Variants in MPPED2 observed in about 807,000 individuals in gnomAD.
MPPED2 encodes metallophosphoesterase domain containing 2, also known as metallophosphoesterase MPPED2.
A neutral mutation model predicts 33.0 loss-of-function variants in MPPED2; 5 were observed. The ratio of observed to expected loss-of-function variants is 0.15; its 90% CI spans 0.08 to 0.32. MPPED2 has a LOEUF of 0.32. Among genes scored for constraint, MPPED2 ranks in the 10% least tolerant of loss-of-function variants. The pLI, the probability that MPPED2 is intolerant of heterozygous loss-of-function variation, is 1.00. For missense variants in MPPED2, 275 were observed against 372.1 expected (o/e 0.74, Z 2.15); for synonymous variants, 136 against 141.9 (o/e 0.96, Z 0.29).
rs530938195 is a variant in MPPED2, at chr11:30,530,278, T to C, written c.310+5716A>G. ...GCACTATACATACATAATTTTAAAG[T>C]TTGGCCAAAAGCGGAGGCAGGAAAA... On this transcript the variant is annotated intron_variant, in intron 3 of 6. Transcript: ENST00000358117. Among the ~76,000 whole-genome samples the C allele has an allele frequency of 2.6e-5, 4 of 152,216 alleles. No homozygotes were observed. In the South Asian group the frequency reaches 8.3e-4, roughly 32 times the overall value.
chr11:30,424,041 C>T (rs777916673), intron 4 of MPPED2, among the ~76,000 whole-genome samples: 9 of 152,178 alleles, frequency 5.9e-5, no homozygotes, highest in South Asian at 2.1e-4. Context: ...TTCGCTCACT[C>T]GCTCACTTGC....
At chr11:30,448,485 T>C (rs1346697788) in intron 4 of MPPED2, among the ~76,000 whole-genome samples, 1 of 152,052 alleles carries the variant, frequency 6.6e-6, no homozygotes, top group Non-Finnish European at 1.5e-5. Flanking sequence ...ATTATCCTGC[T>C]ACACACTAAA....
intron 4 of MPPED2, among the ~76,000 whole-genome samples, chr11:30,484,286 C>T (rs924405587): frequency 2.0e-5 from 3 of 152,114 alleles, no homozygotes; most frequent in African/African-American, 7.2e-5. Context: ...TTCTAGTATG[C>T]CCTTCTATAC....
chr11:30,395,238 T>C (rs1391661624), intron 6 of MPPED2, among the ~76,000 whole-genome samples: 1 of 152,198 alleles, frequency 6.6e-6, no homozygotes, highest in Admixed American at 6.5e-5. Flanking sequence ...TACTATGTGA[T>C]AGCTAATGGA....
chr11:30,497,700 C>CCTTTCTTTCTTTCTTTCTTTCTTTCTTT (rs140393689), intron 3 of MPPED2, among the ~76,000 whole-genome samples: 81 of 151,802 alleles, frequency 5.3e-4, no homozygotes, highest in African/African-American at 1.9e-3. Flanking sequence ...CTGGGTTTTT[C>CCTTTCTTTCTTTCTTTCTTTCTTTCTTT]CTTTCTTTCT....
At chr11:30,523,079 G>A (rs1304000785) in intron 3 of MPPED2, among the ~76,000 whole-genome samples, 1 of 152,128 alleles carries the variant, frequency 6.6e-6, no homozygotes, top group Non-Finnish European at 1.5e-5. Context: ...AGTGACCACA[G>A]GGGTCAGGCA....
rs61383437 is a variant in MPPED2 at position 30,401,860 on chromosome 11, A to AT, written c.766+12367dup. Among the ~76,000 whole-genome samples, 479 of 85,942 alleles carry AT rather than the reference A, an allele frequency of 5.6e-3. 4 individuals carry two copies. The highest frequency in any genetic ancestry group is 9.4e-3 in the African/African-American group (336 of 35,772). The allele number at this position is 85,942 out of a possible 152,430, so 56.4% of individuals were successfully genotyped here. A position where few individuals can be genotyped will look rare whatever the true frequency, so the allele number is the denominator to read the frequency against. On this transcript the variant is annotated intron_variant, in intron 6 of 6. Coordinates refer to the MPPED2 transcript ENST00000448418. ...CTACCATGGCCAGCTAATTTTTTGT[A>AT]TTTTTTTTTTTTTCTTTTAGTAGAG...
intron 4 of MPPED2, among the ~76,000 whole-genome samples, chr11:30,490,492 G>A (rs1951928227): frequency 2.0e-5 from 3 of 152,104 alleles, no homozygotes; most frequent in Non-Finnish European, 4.4e-5. Flanking sequence ...TGAGGTAAGG[G>A]TGCCCCTAAA....
At position 30,468,530 on chromosome 11, in the gene MPPED2, C is replaced by T. The variant is rs537809768; in HGVS notation, c.536+26766G>A. On this transcript the variant is annotated intron_variant, in intron 4 of 6. Coordinates refer to ENST00000358117, the MANE Select transcript of MPPED2 (RefSeq NM_001584.3). ...GCATTAAGGGAGAGTGAAAGAGAGG[C>T]CAAGGGGAAAAAGAGGGTAAAAGGA... Among the ~76,000 whole-genome samples, 4 of 150,810 alleles carry T rather than the reference C, an allele frequency of 2.7e-5. No individual in the cohort carries two copies. In the East Asian group the frequency reaches 7.8e-4, roughly 29 times the overall value.
At chr11:30,533,449 A>G (rs2134463564) in intron 3 of MPPED2, among the ~76,000 whole-genome samples, 1 of 152,224 alleles carries the variant, frequency 6.6e-6, no homozygotes, top group South Asian at 2.1e-4. Context: ...TGTGAGACCC[A>G]TGCCCCACTG....
At chr11:30,511,399 C>A (rs1953182705) in intron 3 of MPPED2, among the ~76,000 whole-genome samples, 1 of 152,146 alleles carries the variant, frequency 6.6e-6, no homozygotes, top group African/African-American at 2.4e-5. Context: ...CAGATTATAA[C>A]TGCAAGGAAG....
chr11:30,393,202 C>T lies in MPPED2; in HGVS notation c.767-4246G>A, dbSNP rs1254270586. Among the ~76,000 whole-genome samples, 14 of 152,242 alleles carry T rather than the reference C, an allele frequency of 9.2e-5. No homozygotes were observed. The East Asian group carries it at 2.7e-3, about 30-fold the overall frequency. On this transcript the variant is annotated intron_variant, in intron 6 of 6. Transcript: ENST00000448418. Reference sequence around the variant, plus strand: ...GGTACTCAGGACATCACTGGAAGCCCACAGCCAGTGTCCCACCCTCTGTGT... The same window carrying T: ...GGTACTCAGGACATCACTGGAAGCCTACAGCCAGTGTCCCACCCTCTGTGT...
chr11:30,564,060 G>C (rs913919887), intron 2 of MPPED2, among the ~76,000 whole-genome samples: 1 of 152,164 alleles, frequency 6.6e-6, no homozygotes, highest in African/African-American at 2.4e-5. Flanking sequence ...ACTCTGGCTA[G>C]AGGAAAGCTA....
intron 4 of MPPED2, among the ~76,000 whole-genome samples, chr11:30,454,520 A>G (rs1008571062): frequency 2.0e-5 from 3 of 152,252 alleles, no homozygotes; most frequent in Non-Finnish European, 4.4e-5. Flanking sequence ...GTTTCTGCTG[A>G]GGATAATAAA....
intron 4 of MPPED2, among the ~76,000 whole-genome samples, chr11:30,466,490 G>A (rs1950712032): frequency 6.6e-6 from 1 of 152,218 alleles, no homozygotes; most frequent in Non-Finnish European, 1.5e-5. Flanking sequence ...GGGCTGTCCA[G>A]CTGGATCCAT....
intron 4 of MPPED2, among the ~76,000 whole-genome samples, chr11:30,459,683 G>A (rs555425282): frequency 6.6e-6 from 1 of 152,262 alleles, no homozygotes; most frequent in Non-Finnish European, 1.5e-5. Context: ...AGTAGAACGA[G>A]TTAACAGTTA....
At chr11:30,443,725 T>C (rs1402544356) in intron 4 of MPPED2, among the ~76,000 whole-genome samples, 12 of 152,226 alleles carry the variant, frequency 7.9e-5, no homozygotes, top group Admixed American at 7.8e-4. Flanking sequence ...CACCATCTTC[T>C]ATCCTAAGAG....
chr11:30,433,147 TC>T (rs1200857701), intron 4 of MPPED2, among the ~76,000 whole-genome samples: 1 of 152,188 alleles, frequency 6.6e-6, no homozygotes, highest in Non-Finnish European at 1.5e-5. Flanking sequence ...GACCAATAAA[TC>T]TGATTTGCTG....
intron 2 of MPPED2, among the ~76,000 whole-genome samples, chr11:30,561,980 A>T (rs894725774): frequency 6.6e-6 from 1 of 152,186 alleles, no homozygotes; most frequent in East Asian, 1.9e-4. Context: ...ATACTCGACC[A>T]TAGTCAGATC....
Sources: gnomAD v4.1 joint callset for allele counts (sites outside exome capture counted in the v4.1 genomes callset) on GRCh38, gnomAD v4.1.1 for gene constraint, MANE v1.5 for transcripts, NCBI Gene and HGNC (gene_info 2026-07-23, HGNC 2026-07-21) for gene names.